Variants in BFSP2 observed in about 807,000 individuals in gnomAD.
BFSP2 encodes beaded filament structural protein 2, also known as phakinin.
Under a neutral mutation model 44.9 loss-of-function variants are expected in BFSP2, and 38 were observed. That is an observed-to-expected ratio of 0.85 (90% CI 0.65 to 1.11). BFSP2 has a LOEUF of 1.11. BFSP2 is among the 50% of genes least tolerant of loss of function. The pLI, the probability that BFSP2 is intolerant of heterozygous loss-of-function variation, is 0.00. For missense variants in BFSP2, 525 were observed against 533.0 expected (o/e 0.99, Z 0.15); for synonymous variants, 197 against 209.9 (o/e 0.94, Z 0.53).
At chr3:133,422,004 G>A (rs1411622301) in intron 1 of BFSP2, among the ~76,000 whole-genome samples, 1 of 151,202 alleles carries the variant, frequency 6.6e-6, no homozygotes, top group Non-Finnish European at 1.5e-5. Context: ...CTACTCGGGA[G>A]GCTGAGGCAG....
chr3:133,421,375 G>C (rs540216070), intron 1 of BFSP2, among the ~76,000 whole-genome samples: 1 of 152,328 alleles, frequency 6.6e-6, no homozygotes, highest in Non-Finnish European at 1.5e-5. Context: ...AGGACTGTGG[G>C]AGAGAATCGG....
Position 133,432,821 on chromosome 3 carries a change from G to T in BFSP2, c.490-14496G>T, listed in dbSNP as rs143591170. On this transcript the variant is annotated intron_variant, in intron 1 of 6. Transcript: ENST00000302334. ...AAACAACAACTCCTTTCCTTCCTAGGCATGGTTAGCGCGGTCAGAATTCTT... is the reference window on the plus strand; with the variant it reads ...AAACAACAACTCCTTTCCTTCCTAGTCATGGTTAGCGCGGTCAGAATTCTT... Among the ~76,000 whole-genome samples the T allele has an allele frequency of 9.1e-3, 1,379 of 152,144 alleles. 20 individuals carry two copies. The highest frequency in any genetic ancestry group is 0.031 in the African/African-American group (1,301 of 41,500).
At chr3:133,452,528 C>T (rs1470606825) in intron 4 of BFSP2, among the ~76,000 whole-genome samples, 6 of 152,118 alleles carry the variant, frequency 3.9e-5, no homozygotes, top group African/African-American at 1.4e-4. Context: ...GAGTTTGGTC[C>T]ATTGCCTTTT....
chr3:133,416,911 C>T (rs2107889720), intron 1 of BFSP2, among the ~76,000 whole-genome samples: 2 of 143,724 alleles, frequency 1.4e-5, no homozygotes, highest in African/African-American at 2.6e-5. Context: ...TGCCCTCTCC[C>T]CTCTACTCAC....
intron 1 of BFSP2, chr3:133,429,420 T>C (rs1449720733): frequency 2.0e-5 from 3 of 152,382 alleles, no homozygotes; most frequent in Admixed American, 1.3e-4. Flanking sequence ...GGCTGTCTGC[T>C]GGTGGAATCC....
chr3:133,430,977 G>T lies in BFSP2; in HGVS notation c.490-16340G>T, dbSNP rs907791958. On this transcript the variant is annotated intron_variant, in intron 1 of 6. Coordinates refer to ENST00000302334, the MANE Select transcript of BFSP2 (RefSeq NM_003571.4). Reference sequence around the variant, plus strand: ...ATTTACTCTTAAAAAGGTGGCTGGAGCTGAAGGCATAGTCAAGGTTAATGC... The same window carrying T: ...ATTTACTCTTAAAAAGGTGGCTGGATCTGAAGGCATAGTCAAGGTTAATGC... 7.2e-5 allele frequency among the ~76,000 whole-genome samples: 11 copies of T among 152,236 alleles called. 1 individual carries two copies. In the East Asian group the frequency reaches 2.1e-3, roughly 29 times the overall value.
intron 1 of BFSP2, among the ~76,000 whole-genome samples, chr3:133,425,030 T>C (rs2073630850): frequency 6.6e-6 from 1 of 152,214 alleles, no homozygotes; most frequent in East Asian, 1.9e-4. Flanking sequence ...AGCCTGTGGG[T>C]GTAACTACTG....
intron 1 of BFSP2, among the ~76,000 whole-genome samples, chr3:133,422,125 A>T (rs1210878515): frequency 6.6e-6 from 1 of 151,444 alleles, no homozygotes; most frequent in East Asian, 1.9e-4. Context: ...AAAAAAAAAA[A>T]ATCCACCACA....
chr3:133,457,213 G>T (rs2074020103), intron 4 of BFSP2, among the ~76,000 whole-genome samples: 1 of 152,194 alleles, frequency 6.6e-6, no homozygotes, highest in South Asian at 2.1e-4. Context: ...CTCCCTGAGG[G>T]CTCTTCAGTG....
chr3:133,433,956 C>A (rs1466562393), intron 1 of BFSP2, among the ~76,000 whole-genome samples: 1 of 152,164 alleles, frequency 6.6e-6, no homozygotes, highest in Non-Finnish European at 1.5e-5. Flanking sequence ...TTAGACTGTG[C>A]CCCAAAAAAC....
chr3:133,411,254 A>T (rs1410108101), intron 1 of BFSP2, among the ~76,000 whole-genome samples: 3 of 151,936 alleles, frequency 2.0e-5, no homozygotes, highest in Non-Finnish European at 4.4e-5. Flanking sequence ...TAAAACTGGT[A>T]AATAATGAGA....
intron 1 of BFSP2, among the ~76,000 whole-genome samples, chr3:133,419,507 G>A (rs1158609450): frequency 6.6e-6 from 1 of 152,148 alleles, no homozygotes. Context: ...TAGAGTGCCC[G>A]TTTGATAAGA....
intron 6 of BFSP2, among the ~76,000 whole-genome samples, chr3:133,474,514 T>C (rs184868695): frequency 1.9e-4 from 29 of 152,370 alleles, no homozygotes; most frequent in African/African-American, 7.0e-4. Context: ...TTTTATTGAA[T>C]TGATTTTTGT....
chr3:133,429,933 G>T (rs1258137664), intron 1 of BFSP2, among the ~76,000 whole-genome samples: 3 of 150,746 alleles, frequency 2.0e-5, no homozygotes, highest in Admixed American at 6.6e-5. Context: ...AGTCCCCGGT[G>T]CGTGATGTTC....
chr3:133,427,353 C>G (rs2073663393), intron 1 of BFSP2, among the ~76,000 whole-genome samples: 1 of 152,242 alleles, frequency 6.6e-6, no homozygotes, highest in South Asian at 2.1e-4. Flanking sequence ...ATAAGCAGAA[C>G]AGGTGTCATT....
At chr3:133,458,614 G>A (rs1313400514) in intron 4 of BFSP2, among the ~76,000 whole-genome samples, 2 of 152,172 alleles carry the variant, frequency 1.3e-5, no homozygotes, top group African/African-American at 4.8e-5. Flanking sequence ...AGAATCACTT[G>A]AACCCAGGAG....
chr3:133,474,821 C>T, intron 6 of BFSP2, 148 bp from the exon 7 acceptor site: 1 of 1,054,076 alleles, frequency 9.5e-7, no homozygotes. Context: ...CAGCAAATAA[C>T]CATGGAGTAA....
chr3:133,454,233 T>C (rs922389541), intron 4 of BFSP2, among the ~76,000 whole-genome samples: 3 of 152,152 alleles, frequency 2.0e-5, no homozygotes, highest in African/African-American at 7.2e-5. Context: ...GGCAGGAGGA[T>C]TGCTTGAGGC....
At position 133,412,027 on chromosome 3, in the gene BFSP2, G is replaced by A. The variant is rs189171310; in HGVS notation, c.489+11455G>A. 4.6e-5 allele frequency among the ~76,000 whole-genome samples: 7 copies of A among 152,326 alleles called. No homozygotes were observed. In the East Asian group the frequency reaches 5.8e-4, roughly 13 times the overall value. The stretch of plus-strand genomic sequence containing the variant: ...ACGAAAGTATTATTAATTTTTAGAC[G>A]TGATCATCGTTGTGAAGTCATGTGT... On this transcript the variant is annotated intron_variant, in intron 1 of 6. Transcript: ENST00000302334.
Sources: gnomAD v4.1 joint callset for allele counts (sites outside exome capture counted in the v4.1 genomes callset) on GRCh38, gnomAD v4.1.1 for gene constraint, MANE v1.5 for transcripts, NCBI Gene and HGNC (gene_info 2026-07-23, HGNC 2026-07-21) for gene names.